EYS: variants seen among roughly 807,000 people sequenced by gnomAD.
The protein encoded by EYS is protein eyes shut homolog.
A neutral mutation model predicts 282.1 loss-of-function variants in EYS; 250 were observed. The ratio of observed to expected loss-of-function variants is 0.89; its 90% CI spans 0.80 to 0.98. EYS has a LOEUF of 0.98. Among genes scored for constraint, EYS ranks in the 50% least tolerant of loss-of-function variants. The probability of loss-of-function intolerance (pLI) is 0.00; values close to 1 mark genes in which losing one functional copy is unlikely to be tolerated. For synonymous variants in EYS, 1,355 were observed against 1,282.9 expected, an observed-to-expected ratio of 1.06 and a Z score of -1.20; for missense variants, 4,016 against 3,709.0, an observed-to-expected ratio of 1.08 and a Z score of -2.15.
At position 65,562,955 on chromosome 6, in the gene EYS, T is replaced by C. The variant is rs77639698; in HGVS notation, c.-332-66962A>G. On this transcript the variant is annotated intron_variant, in intron 2 of 42. Transcript: ENST00000503581. The stretch of plus-strand genomic sequence containing the variant: ...TGATGCTTCATGAAGTTTAATAAAA[T>C]GGTACTTTTTTTGCCTGAATACATT... 5.9e-3 allele frequency among the ~76,000 whole-genome samples: 897 copies of C among 152,182 alleles called. 13 individuals carry two copies. Among genetic ancestry groups the C allele is most frequent in the African/African-American group, 0.02 (815 of 41,566 alleles).
chr6:64,645,552 A>T (rs1289029732), intron 22 of EYS, among the ~76,000 whole-genome samples: 1 of 152,210 alleles, frequency 6.6e-6, no homozygotes, highest in African/African-American at 2.4e-5. Flanking sequence ...GATGAGTAAG[A>T]TCACTGAGAA....
At chr6:64,313,674 T>C (rs2150379893) in intron 29 of EYS, among the ~76,000 whole-genome samples, 1 of 151,630 alleles carries the variant, frequency 6.6e-6, no homozygotes, top group African/African-American at 2.4e-5. Flanking sequence ...ATCAGACTAA[T>C]GATGGATCTC....
chr6:65,692,745 A>C (rs941105239), intron 1 of EYS, among the ~76,000 whole-genome samples: 3 of 150,140 alleles, frequency 2.0e-5, no homozygotes, highest in African/African-American at 7.3e-5. Context: ...TGGAGAAAGA[A>C]AGTCATTCTT....
chr6:64,857,394 C>T (rs1490812142), intron 19 of EYS, among the ~76,000 whole-genome samples: 3 of 152,122 alleles, frequency 2.0e-5, no homozygotes, highest in East Asian at 1.9e-4. Flanking sequence ...TCGTTTAGTT[C>T]TCCAGTTTCA....
intron 35 of EYS, among the ~76,000 whole-genome samples, chr6:63,954,497 G>A (rs191012598): frequency 2.7e-4 from 41 of 152,130 alleles, no homozygotes; most frequent in African/African-American, 9.9e-4. Flanking sequence ...ACTATGTAAG[G>A]GTCCCCCATC....
intron 12 of EYS, among the ~76,000 whole-genome samples, chr6:65,151,662 G>A (rs900437594): frequency 2.0e-5 from 3 of 151,796 alleles, no homozygotes; most frequent in Non-Finnish European, 4.4e-5. Context: ...TCATTCTAAC[G>A]TGCTATTTTG....
intron 19 of EYS, among the ~76,000 whole-genome samples, chr6:64,839,527 A>G (rs1397442051): frequency 1.3e-5 from 2 of 152,022 alleles, no homozygotes; most frequent in African/African-American, 4.8e-5. Flanking sequence ...AGAGAGTTGT[A>G]TTTAATTTGT....
intron 26 of EYS, among the ~76,000 whole-genome samples, chr6:64,546,274 T>G (rs1277630894): frequency 6.6e-6 from 1 of 151,926 alleles, no homozygotes; most frequent in South Asian, 2.1e-4. Flanking sequence ...AATGGGGAAA[T>G]GATTCCCTAT....
chr6:65,464,810 G>A (rs762175942), intron 5 of EYS, among the ~76,000 whole-genome samples: 1 of 152,132 alleles, frequency 6.6e-6, no homozygotes, highest in Non-Finnish European at 1.5e-5. Context: ...TGTTCAACAA[G>A]AACCAATGAC....
At chr6:64,599,664 A>C (rs950139207) in intron 24 of EYS, among the ~76,000 whole-genome samples, 1 of 152,142 alleles carries the variant, frequency 6.6e-6, no homozygotes, top group Admixed American at 6.5e-5. Context: ...AAAATAAAGT[A>C]TGGTTTAAAG....
chr6:64,687,828 C>T lies in EYS; in HGVS notation c.3444-61583G>A, dbSNP rs541721065. ...TCCTCTTTGTACCTCTGGTAGAATT[C>T]GGCAGTGAATCAGTCTGGTCCTGGA... is the stretch of plus-strand genomic sequence containing the variant. On this transcript the variant is annotated intron_variant, in intron 22 of 42. Transcript: ENST00000503581. Among the ~76,000 whole-genome samples, 95 of 152,192 alleles carry T rather than the reference C, an allele frequency of 6.2e-4. 1 individual carries two copies. Among genetic ancestry groups the T allele is most frequent in the African/African-American group, 2.2e-3 (90 of 41,534 alleles).
intron 29 of EYS, among the ~76,000 whole-genome samples, chr6:64,374,805 T>C (rs1772512404): frequency 6.6e-6 from 1 of 152,156 alleles, no homozygotes; most frequent in African/African-American, 2.4e-5. Flanking sequence ...CAGCTAAGCA[T>C]ACAGAAAGGT....
At chr6:64,137,162 G>C (rs1774188733) in intron 31 of EYS, among the ~76,000 whole-genome samples, 1 of 152,214 alleles carries the variant, frequency 6.6e-6, no homozygotes, top group East Asian at 1.9e-4. Flanking sequence ...ACCTCTGCTG[G>C]CTTCAGACTT....
At chr6:64,087,876 G>A (rs1218277458) in intron 31 of EYS, among the ~76,000 whole-genome samples, 1 of 151,880 alleles carries the variant, frequency 6.6e-6, no homozygotes, top group East Asian at 1.9e-4. Context: ...ATTCTGAGAA[G>A]CAATGAACTC....
At chr6:63,860,685 T>C (rs146653407) in intron 36 of EYS, among the ~76,000 whole-genome samples, 20 of 152,342 alleles carry the variant, frequency 1.3e-4, no homozygotes, top group Non-Finnish European at 4.4e-5. Context: ...ATTTCCTAAG[T>C]AAACGACCTG....
intron 31 of EYS, among the ~76,000 whole-genome samples, chr6:64,178,228 TAAAAG>T (rs1050053945): frequency 1.3e-5 from 2 of 152,070 alleles, no homozygotes; most frequent in African/African-American, 4.8e-5. Flanking sequence ...TCTACCTAGA[TAAAAG>T]AAGTGAACTG....
intron 19 of EYS, among the ~76,000 whole-genome samples, chr6:64,848,163 G>A (rs1765773725): frequency 6.6e-6 from 1 of 151,978 alleles, no homozygotes; most frequent in Admixed American, 6.6e-5. Context: ...TTTAATACAT[G>A]TGGAGAAAAT....
intron 14 of EYS, among the ~76,000 whole-genome samples, chr6:64,976,882 C>A (rs1165353407): frequency 6.6e-6 from 1 of 151,466 alleles, no homozygotes; most frequent in Admixed American, 6.6e-5. Flanking sequence ...ATATACTTAT[C>A]AGTACTATTA....
chr6:64,142,832 C>T (rs1196553378), intron 31 of EYS, among the ~76,000 whole-genome samples: 1 of 152,062 alleles, frequency 6.6e-6, no homozygotes, highest in African/African-American at 2.4e-5. Flanking sequence ...CAGACATGTT[C>T]AGGAGACAAG....
Sources: gnomAD v4.1 joint callset for allele counts (sites outside exome capture counted in the v4.1 genomes callset) on GRCh38, gnomAD v4.1.1 for gene constraint, MANE v1.5 for transcripts, NCBI Gene and HGNC (gene_info 2026-07-23, HGNC 2026-07-21) for gene names.